MAP4K3: variants seen among roughly 807,000 people sequenced by gnomAD.
The protein encoded by MAP4K3 is MAPK/ERK kinase kinase kinase 3.
In MAP4K3, 94 loss-of-function variants were observed where a neutral mutation model predicts 143.5. The observed-to-expected ratio is 0.65, with a 90% confidence interval of 0.55 to 0.78. MAP4K3 has a LOEUF of 0.78. Among genes scored for constraint, MAP4K3 ranks in the 30% least tolerant of loss-of-function variants. MAP4K3 has a pLI of 0.00. For missense variants in MAP4K3, 1,077 were observed against 1,068.1 expected (o/e 1.01, Z -0.12); for synonymous variants, 416 against 347.2 (o/e 1.20, Z -2.20).
rs780750225 is a variant in MAP4K3 at position 39,280,339 on chromosome 2, T to A, written c.1647A>T (p.Ser549=). Residue 549 remains serine, a synonymous_variant, in exon 23 of 34, where the codon TCA becomes TCT. Transcript: ENST00000263881. Reference sequence around the variant, plus strand: ...TCAAGGGACACCCATTAAAAACTTTTGAAAAACATGCACCCATCTAGGGAA... The same window carrying A: ...TCAAGGGACACCCATTAAAAACTTTAGAAAAACATGCACCCATCTAGGGAA... ...TPKVHMGACF[S]KVFNGCPLKI... The A allele has an allele frequency of 6.2e-7, 1 of 1,604,148 alleles. No individual in the cohort carries two copies. The highest frequency in any genetic ancestry group is 1.1e-5 in the South Asian group (1 of 89,230).
intron 13 of MAP4K3, among the ~76,000 whole-genome samples, chr2:39,312,952 G>C (rs1384156954): frequency 1.3e-5 from 2 of 152,194 alleles, no homozygotes; most frequent in African/African-American, 4.8e-5. Context: ...CTGAGTGCAA[G>C]GATGCTGTCT....
intron 3 of MAP4K3, among the ~76,000 whole-genome samples, chr2:39,350,726 C>A (rs186400744): frequency 6.6e-6 from 1 of 152,134 alleles, no homozygotes; most frequent in Non-Finnish European, 1.5e-5. Flanking sequence ...ATCCCCTCCA[C>A]CCTAGGTCCA....
intron 21 of MAP4K3, among the ~76,000 whole-genome samples, chr2:39,285,151 G>A (rs1664393182): frequency 6.6e-6 from 1 of 152,026 alleles, no homozygotes; most frequent in Admixed American, 6.5e-5. Flanking sequence ...CTTTTCCACT[G>A]AAAGCACTGG....
chr2:39,356,478 G>C, intron 2 of MAP4K3, 139 bp from the exon 3 acceptor site: 1 of 581,844 alleles, frequency 1.7e-6, no homozygotes, highest in Non-Finnish European at 3.0e-6. Flanking sequence ...TAGCCAATAA[G>C]TTAATGGTAT....
At chr2:39,436,739 A>G (rs1665496333) in intron 1 of MAP4K3, 153 bp downstream of exon 1, 2 of 640,244 alleles carry the variant, frequency 3.1e-6, no homozygotes, top group African/African-American at 3.7e-5. Context: ...TTGTTCACCA[A>G]GGCAGCAGAG....
intron 13 of MAP4K3, among the ~76,000 whole-genome samples, chr2:39,312,968 A>G (rs1682991056): frequency 6.6e-6 from 1 of 152,172 alleles, no homozygotes; most frequent in African/African-American, 2.4e-5. Context: ...TGTCTTACTA[A>G]AAGCCGTGAC....
chr2:39,394,110 A>C (rs1486204459), intron 1 of MAP4K3, among the ~76,000 whole-genome samples: 2 of 152,210 alleles, frequency 1.3e-5, no homozygotes, highest in Non-Finnish European at 2.9e-5. Context: ...GCTTTATAAA[A>C]ATTTTTCTAC....
intron 28 of MAP4K3, among the ~76,000 whole-genome samples, chr2:39,262,233 T>C (rs1680599661): frequency 6.6e-6 from 1 of 152,172 alleles, no homozygotes; most frequent in East Asian, 1.9e-4. Context: ...AGTTTTAAAG[T>C]GTTGGAAGAC....
intron 2 of MAP4K3, among the ~76,000 whole-genome samples, chr2:39,375,277 A>G (rs1483464191): frequency 5.3e-5 from 8 of 151,936 alleles, no homozygotes; most frequent in Non-Finnish European, 8.8e-5. Flanking sequence ...ACACCCCTCT[A>G]CCTTAGAAAA....
chr2:39,278,091 G>A (rs574901334), intron 24 of MAP4K3, among the ~76,000 whole-genome samples: 9 of 151,628 alleles, frequency 5.9e-5, no homozygotes, highest in African/African-American at 2.2e-4. Context: ...AGACCAGCCT[G>A]GCCAACATGG....
intron 1 of MAP4K3, among the ~76,000 whole-genome samples, chr2:39,431,919 T>C (rs565413916): frequency 1.3e-5 from 2 of 152,296 alleles, no homozygotes; most frequent in East Asian, 1.9e-4. Context: ...TCCAGAACCC[T>C]GTTCTCAAAT....
chr2:39,290,417 C>A, intron 18 of MAP4K3, 83 bp from the exon 19 acceptor site: 1 of 832,456 alleles, frequency 1.2e-6, no homozygotes, highest in Non-Finnish European at 1.9e-6. Flanking sequence ...TTCAAAGACA[C>A]ATAAAAAAGC....
chr2:39,350,227 C>T (rs924921707), intron 3 of MAP4K3, among the ~76,000 whole-genome samples: 24 of 152,266 alleles, frequency 1.6e-4, no homozygotes, highest in African/African-American at 5.8e-4. Flanking sequence ...AGATATATTC[C>T]TAATTCCTCT....
At chr2:39,398,744 A>AATAATG (rs1553424680) in intron 1 of MAP4K3, among the ~76,000 whole-genome samples, 21 of 130,168 alleles carry the variant, frequency 1.6e-4, no homozygotes, top group South Asian at 9.8e-4. Flanking sequence ...TAATAATAAT[A>AATAATG]ATGATGATGA....
At chr2:39,413,671 A>G (rs1204822421) in intron 1 of MAP4K3, among the ~76,000 whole-genome samples, 1 of 151,966 alleles carries the variant, frequency 6.6e-6, no homozygotes, top group Non-Finnish European at 1.5e-5. Flanking sequence ...TTGTAAGAGA[A>G]GCAAGACCAG....
rs1244682832 is a variant in MAP4K3, at chr2:39,436,990, C to G, written c.-3G>C. 6.2e-7 allele frequency: 1 copy of G among 1,609,226 alleles called. No homozygotes were observed. Among genetic ancestry groups the G allele is most frequent in the African/African-American group, 1.3e-5 (1 of 74,672 alleles). ...GACAAATCGAAGCCGGGGTTCATGG[C>G]GGGCCCCAGGTGCCCCCCGCCTCCC... On this transcript the variant is annotated 5_prime_UTR_variant, in exon 1 of 34. Transcript: ENST00000263881.
At chr2:39,331,416 G>T (rs1175027172) in intron 8 of MAP4K3, among the ~76,000 whole-genome samples, 1 of 152,128 alleles carries the variant, frequency 6.6e-6, no homozygotes, top group Non-Finnish European at 1.5e-5. Flanking sequence ...GAGAAGACTG[G>T]TAAGAGCTAA....
At chr2:39,347,438 C>T (rs1665324862) in intron 3 of MAP4K3, among the ~76,000 whole-genome samples, 1 of 152,160 alleles carries the variant, frequency 6.6e-6, no homozygotes, top group South Asian at 2.1e-4. Context: ...GGACTTCACA[C>T]AGCTTACAAA....
intron 1 of MAP4K3, among the ~76,000 whole-genome samples, chr2:39,403,845 G>A (rs1013878837): frequency 6.6e-6 from 1 of 150,512 alleles, no homozygotes. Context: ...GAGGAGAGAA[G>A]GAAGAGTGAA....
Sources: gnomAD v4.1 joint callset for allele counts (sites outside exome capture counted in the v4.1 genomes callset) on GRCh38, gnomAD v4.1.1 for gene constraint, MANE v1.5 for transcripts, NCBI Gene and HGNC (gene_info 2026-07-23, HGNC 2026-07-21) for gene names.